ANTXR2: variants seen among roughly 807,000 people sequenced by gnomAD.
ANTXR2 encodes the protein ANTXR cell adhesion molecule 2.
ANTXR2 carries 44 observed loss-of-function variants against 73.7 expected under a neutral mutation model. That is an observed-to-expected ratio of 0.60 (90% CI 0.47 to 0.77). The LOEUF is 0.77. ANTXR2 is among the 30% of genes least tolerant of loss of function. ANTXR2 has a pLI of 0.00. For synonymous variants in ANTXR2, 217 were observed against 205.9 expected (o/e 1.05, Z -0.46); for missense variants, 604 against 592.5 (o/e 1.02, Z -0.20).
chr4:79,925,543 C>G (rs768280552), intron 16 of ANTXR2, among the ~76,000 whole-genome samples: 2 of 152,000 alleles, frequency 1.3e-5, no homozygotes, highest in Non-Finnish European at 2.9e-5. Context: ...AAAACATAAT[C>G]TCTTTGCTAT....
At chr4:80,047,831 G>C (rs908746229) in intron 7 of ANTXR2, among the ~76,000 whole-genome samples, 5 of 151,692 alleles carry the variant, frequency 3.3e-5, no homozygotes, top group Admixed American at 2.0e-4. Context: ...GGATCCAGCT[G>C]TACCTGAGGT....
At chr4:79,919,865 T>TTATATA (rs869257072) in intron 16 of ANTXR2, among the ~76,000 whole-genome samples, 38 of 17,776 alleles carry the variant, frequency 2.1e-3, no homozygotes, top group Non-Finnish European at 2.4e-3. Flanking sequence ...AATACATATT[T>TTATATA]TATATATATA....
rs771172305 is a variant in ANTXR2, at chr4:79,907,414, C to T, written c.*15G>A. 1.2e-6 allele frequency: 2 copies of T among 1,611,516 alleles called. No homozygotes were observed. The highest frequency in any genetic ancestry group is 1.1e-5 in the South Asian group (1 of 90,716). ...TGTGCCATCTTCGTACCTTCTTGGT[C>T]TTCCTGCTTCCCTTTTACTGAGATG... On this transcript the variant is annotated 3_prime_UTR_variant, in exon 17 of 17. Coordinates refer to ENST00000403729, the MANE Select transcript of ANTXR2 (RefSeq NM_058172.6).
intron 16 of ANTXR2, among the ~76,000 whole-genome samples, chr4:79,909,963 C>G (rs1287730452): frequency 6.6e-6 from 1 of 152,114 alleles, no homozygotes; most frequent in Non-Finnish European, 1.5e-5. Context: ...ATAGCATGCT[C>G]AAATATCTAA....
intron 10 of ANTXR2, among the ~76,000 whole-genome samples, chr4:80,025,465 G>T (rs921560385): frequency 1.2e-4 from 19 of 152,040 alleles, no homozygotes; most frequent in Non-Finnish European, 2.2e-4. Flanking sequence ...CATTAAAAAG[G>T]ATGAAAAAAT....
intron 16 of ANTXR2, among the ~76,000 whole-genome samples, chr4:79,926,884 T>TATATGTGTGTATATACACATGTGTGC (rs1349017152): frequency 3.3e-5 from 5 of 151,624 alleles, no homozygotes; most frequent in African/African-American, 7.3e-5. Context: ...TGTGTGTATA[T>TATATGTGTGTATATACACATGTGTGC]ATATGTGTGT....
Position 80,072,726 on chromosome 4 carries a change from G to A in ANTXR2, c.-166C>T, listed in dbSNP as rs1734874182. ...GGACCCACCAGCTGACAGGGAGGGA[G>A]AGAGGGAGGTCCTGAGAGGACAAAG... On this transcript the variant is annotated 5_prime_UTR_variant, in exon 1 of 17. Coordinates refer to ENST00000403729, the MANE Select transcript of ANTXR2 (RefSeq NM_058172.6). 2.2e-6 allele frequency: 3 copies of A among 1,347,266 alleles called. No homozygotes were observed. Among genetic ancestry groups the A allele is most frequent in the Non-Finnish European group, 1.9e-6 (2 of 1,054,954 alleles). The allele number at this position is 1,347,266 out of a possible 1,614,324, so 83.5% of individuals were successfully genotyped here.
chr4:80,015,104 G>A (rs999418691), intron 11 of ANTXR2, among the ~76,000 whole-genome samples: 1 of 152,018 alleles, frequency 6.6e-6, no homozygotes, highest in Non-Finnish European at 1.5e-5. Flanking sequence ...TACAACCTCA[G>A]CAAAAGCAAA....
chr4:79,995,865 T>C (rs1372336995), intron 12 of ANTXR2, among the ~76,000 whole-genome samples: 1 of 151,980 alleles, frequency 6.6e-6, no homozygotes, highest in Non-Finnish European at 1.5e-5. Context: ...TTTGATCTGG[T>C]AAATTAAGGC....
chr4:80,015,243 T>A (rs1731782844), intron 11 of ANTXR2, among the ~76,000 whole-genome samples: 1 of 152,222 alleles, frequency 6.6e-6, no homozygotes. Flanking sequence ...TCTCCAGATT[T>A]ACCTCTCGCT....
intron 3 of ANTXR2, among the ~76,000 whole-genome samples, chr4:80,060,696 C>G (rs1381277232): frequency 6.6e-6 from 1 of 152,016 alleles, no homozygotes; most frequent in Non-Finnish European, 1.5e-5. Flanking sequence ...CTTACTGTGC[C>G]TAAATTATAA....
rs1560940998 is a variant in ANTXR2 at position 79,984,868 on chromosome 4, C to G, written c.1042-5G>C. The G allele has an allele frequency of 6.3e-7, 1 of 1,579,206 alleles. No individual in the cohort carries two copies. The highest frequency in any genetic ancestry group is 8.6e-7 in the Non-Finnish European group (1 of 1,159,550). On this transcript the variant is annotated splice_polypyrimidine_tract_variant and splice_region_variant and intron_variant, in intron 12 of 16. Coordinates refer to ENST00000403729, the MANE Select transcript of ANTXR2 (RefSeq NM_058172.6). Reference sequence around the variant, plus strand: ...TGGTGGAGGATCCTTAATAACCTGTCAAAAAAAATCAAATATAAAAATTTC... The same window carrying G: ...TGGTGGAGGATCCTTAATAACCTGTGAAAAAAAATCAAATATAAAAATTTC...
At chr4:79,984,952 G>T in intron 12 of ANTXR2, 89 bp from the exon 13 acceptor site, 1 of 1,063,242 alleles carries the variant, frequency 9.4e-7, no homozygotes, top group Non-Finnish European at 1.4e-6. Context: ...ATAAAATACT[G>T]TGGTAGCTCC....
intron 7 of ANTXR2, among the ~76,000 whole-genome samples, chr4:80,053,273 C>T (rs1733847950): frequency 6.6e-6 from 1 of 151,634 alleles, no homozygotes; most frequent in Admixed American, 6.6e-5. Context: ...TATATGTAAA[C>T]TACAAAAATA....
chr4:80,031,578 T>G (rs1432238755), intron 10 of ANTXR2, 45 bp downstream of exon 10: 1 of 1,333,538 alleles, frequency 7.5e-7, no homozygotes. Flanking sequence ...TTCTAATAAT[T>G]TTTTACTAAA....
rs760122322 is a variant in ANTXR2 at position 79,907,402 on chromosome 4, T to A, written c.*27A>T. 32 of 1,608,916 alleles carry A rather than the reference T, an allele frequency of 2.0e-5. No individual in the cohort carries two copies. Among genetic ancestry groups the A allele is most frequent in the Non-Finnish European group, 2.7e-5 (32 of 1,176,440 alleles). ...GCTATGTGAAAATGTGCCATCTTCG[T>A]ACCTTCTTGGTCTTCCTGCTTCCCT... On this transcript the variant is annotated 3_prime_UTR_variant, in exon 17 of 17. Transcript: ENST00000403729.
chr4:80,005,365 T>C (rs961672631), intron 12 of ANTXR2, among the ~76,000 whole-genome samples: 1 of 152,156 alleles, frequency 6.6e-6, no homozygotes, highest in Non-Finnish European at 1.5e-5. Context: ...ACCACGCTGA[T>C]AAATAGATAA....
At chr4:79,994,478 C>T (rs746752253) in intron 12 of ANTXR2, among the ~76,000 whole-genome samples, 9 of 151,996 alleles carry the variant, frequency 5.9e-5, no homozygotes, top group African/African-American at 2.2e-4. Flanking sequence ...TACATCTGAA[C>T]TCATTTTCAC....
rs777052751 is a variant in ANTXR2 at position 79,984,839 on chromosome 4, G to T, written c.1066C>A (p.Pro356Thr). ...CTTACCTCTTTTGGTGCAGGGGCGG[G>T]TGGTGGTGGAGGATCCTTAATAACC... ...KVVIKDPPPP[P>T]APAPKEEEEE... Residue 356 changes from proline (P) to threonine (T), a missense_variant, in exon 13 of 17, where the codon CCC (proline) becomes ACC (threonine). By Grantham distance (38) the Pro-to-Thr change is conservative. Coordinates refer to ENST00000403729, the MANE Select transcript of ANTXR2 (RefSeq NM_058172.6). 17 of 1,600,536 alleles carry T rather than the reference G, an allele frequency of 1.1e-5. No individual in the cohort carries two copies. Among genetic ancestry groups the T allele is most frequent in the Non-Finnish European group, 1.5e-5 (17 of 1,171,614 alleles).
Sources: allele counts gnomAD v4.1 joint callset (sites outside exome capture counted in the v4.1 genomes callset), GRCh38; gene constraint gnomAD v4.1.1; transcripts MANE v1.5; gene names NCBI Gene and HGNC (gene_info 2026-07-23, HGNC 2026-07-21).